The following DTNB variants were observed in gnomAD, a reference collection of about 807,000 sequenced individuals.
DTNB encodes the protein DTN-B.
Under a neutral mutation model 90.7 loss-of-function variants are expected in DTNB, and 63 were observed. That is an observed-to-expected ratio of 0.69 (90% confidence interval 0.57 to 0.86). The LOEUF (loss-of-function observed/expected upper bound fraction) is 0.86. Among genes scored for constraint, DTNB ranks in the 40% least tolerant of loss-of-function variants. The pLI, the probability that DTNB is intolerant of heterozygous loss-of-function variation, is 0.00. For synonymous variants in DTNB, 277 were observed against 286.7 expected, an observed-to-expected ratio of 0.97 and a Z score of 0.34; for missense variants, 744 against 807.1, an observed-to-expected ratio of 0.92 and a Z score of 0.95.
intron 8 of DTNB, among the ~76,000 whole-genome samples, chr2:25,545,195 T>C (rs1275909823): frequency 6.6e-6 from 1 of 152,230 alleles, no homozygotes; most frequent in Non-Finnish European, 1.5e-5. Flanking sequence ...ATTTTTGATT[T>C]CTGAAAGTTA....
chr2:25,415,479 C>T (rs554147156), intron 16 of DTNB, among the ~76,000 whole-genome samples: 5 of 152,060 alleles, frequency 3.3e-5, no homozygotes, highest in African/African-American at 1.2e-4. Context: ...GTTTCTAAAA[C>T]CCGTGGAATC....
intron 16 of DTNB, among the ~76,000 whole-genome samples, chr2:25,415,385 T>G (rs1211448248): frequency 6.6e-6 from 1 of 151,554 alleles, no homozygotes; most frequent in Non-Finnish European, 1.5e-5. Context: ...TAGCTGGGAC[T>G]ACGGGTGCAT....
Position 25,432,970 on chromosome 2 carries a change from C to A in DTNB, c.1373G>T (p.Arg458Leu), listed in dbSNP as rs371885638. The change falls in exon 14 of 21, where the codon CGC becomes CTC. Residue 458 changes from arginine to leucine, a missense_variant. Physicochemically the swap from Arg to Leu is moderately radical, Grantham distance 102. Coordinates refer to ENST00000406818, the MANE Select transcript of DTNB (RefSeq NM_021907.5). ...CTGGGAGGCCTGCTCGTGTTCCAGGCGGAGACGCTGAATCTCCTGCAGGAT... is the reference window on the plus strand; with the variant it reads ...CTGGGAGGCCTGCTCGTGTTCCAGGAGGAGACGCTGAATCTCCTGCAGGAT... The part of the protein sequence containing the change: ...REILQEIQRL[R>L]LEHEQASQPT... 1.2e-6 allele frequency: 2 copies of A among 1,609,650 alleles called. No homozygotes were observed. The highest frequency in any genetic ancestry group is 1.7e-6 in the Non-Finnish European group (2 of 1,178,920).
intron 16 of DTNB, among the ~76,000 whole-genome samples, chr2:25,398,367 T>C (rs945888707): frequency 2.0e-5 from 3 of 152,242 alleles, no homozygotes; most frequent in African/African-American, 7.2e-5. Context: ...CCATGGGTCT[T>C]ATGCCCCAGC....
intron 10 of DTNB, among the ~76,000 whole-genome samples, chr2:25,475,280 A>G (rs543660825): frequency 6.6e-6 from 1 of 152,374 alleles, no homozygotes; most frequent in South Asian, 2.1e-4. Context: ...AGAAGAAAGC[A>G]AAACAGCCTC....
chr2:25,453,920 G>A (rs1010371109), intron 11 of DTNB, among the ~76,000 whole-genome samples: 4 of 152,164 alleles, frequency 2.6e-5, no homozygotes, highest in East Asian at 1.9e-4. Flanking sequence ...GGCTGAGGCC[G>A]GCGGATCACG....
chr2:25,529,631 A>G (rs2077780300), intron 9 of DTNB, among the ~76,000 whole-genome samples: 1 of 152,216 alleles, frequency 6.6e-6, no homozygotes, highest in Admixed American at 6.5e-5. Flanking sequence ...CAACAACTGT[A>G]CAAGAAAATC....
intron 8 of DTNB, among the ~76,000 whole-genome samples, chr2:25,564,295 A>G (rs532753664): frequency 5.3e-5 from 8 of 152,348 alleles, no homozygotes; most frequent in African/African-American, 1.9e-4. Context: ...GAATCTGTAG[A>G]TGAATTGGGG....
intron 9 of DTNB, among the ~76,000 whole-genome samples, chr2:25,516,194 A>G (rs2075081673): frequency 6.6e-6 from 1 of 152,158 alleles, no homozygotes; most frequent in South Asian, 2.1e-4. Flanking sequence ...GAGAATGTGG[A>G]GAGACTGGAA....
At chr2:25,535,433 G>C in intron 8 of DTNB, among the ~76,000 whole-genome samples, 1 of 146,136 alleles carries the variant, frequency 6.8e-6, no homozygotes, top group Non-Finnish European at 1.5e-5. Context: ...CCAGGCAGAG[G>C]CGCTCCTCAC....
At chr2:25,603,482 ACT>A (rs913271832) in intron 5 of DTNB, among the ~76,000 whole-genome samples, 6 of 152,166 alleles carry the variant, frequency 3.9e-5, no homozygotes, top group African/African-American at 1.4e-4. Flanking sequence ...GGAGACAGAA[ACT>A]CTCTTAAGAC....
chr2:25,596,405 T>C, intron 5 of DTNB, 165 bp from the exon 6 acceptor site: 1 of 729,482 alleles, frequency 1.4e-6, no homozygotes, highest in Non-Finnish European at 2.0e-6. Flanking sequence ...TTATTAACAC[T>C]GTGTGGCTAC....
At chr2:25,604,206 A>ACCAC (rs1559198905) in intron 5 of DTNB, among the ~76,000 whole-genome samples, 1 of 150,948 alleles carries the variant, frequency 6.6e-6, no homozygotes, top group African/African-American at 2.4e-5. Context: ...ACCACCACCA[A>ACCAC]CAACAACAAA....
chr2:25,438,179 C>T lies in DTNB; in HGVS notation c.1258-4184G>A, dbSNP rs147487256. On this transcript the variant is annotated intron_variant, in intron 12 of 20. Transcript: ENST00000406818. ...AGGAAGCTGTGGTAAGAGCGAGGCA[C>T]GGGGAGATGAAGGGTCTAGACCAGG... 3.9e-3 allele frequency among the ~76,000 whole-genome samples: 594 copies of T among 152,116 alleles called. 3 individuals are homozygous for T. Among genetic ancestry groups the T allele is most frequent in the African/African-American group, 0.013 (533 of 41,506 alleles).
chr2:25,394,447 T>C (rs914194756), intron 16 of DTNB, among the ~76,000 whole-genome samples: 17 of 151,994 alleles, frequency 1.1e-4, no homozygotes, highest in Admixed American at 5.2e-4. Flanking sequence ...TCAGCAAAGT[T>C]AACAAACAAC....
At chr2:25,478,477 G>A (rs2064192891) in intron 10 of DTNB, among the ~76,000 whole-genome samples, 1 of 152,084 alleles carries the variant, frequency 6.6e-6, no homozygotes, top group African/African-American at 2.4e-5. Context: ...ACCATGGTCT[G>A]CTAACAGTCT....
At chr2:25,458,003 T>G (rs932127943) in intron 10 of DTNB, among the ~76,000 whole-genome samples, 1 of 151,984 alleles carries the variant, frequency 6.6e-6, no homozygotes, top group African/African-American at 2.4e-5. Flanking sequence ...TCAGCTAATT[T>G]TTTGTATTTT....
intron 19 of DTNB, among the ~76,000 whole-genome samples, chr2:25,382,257 A>T (rs1423100037): frequency 6.6e-6 from 1 of 152,136 alleles, no homozygotes; most frequent in Non-Finnish European, 1.5e-5. Flanking sequence ...TCATCACCCC[A>T]TTTATTTCCT....
chr2:25,554,589 C>T (rs1402941743), intron 8 of DTNB, among the ~76,000 whole-genome samples: 5 of 152,156 alleles, frequency 3.3e-5, no homozygotes, highest in East Asian at 3.8e-4. Flanking sequence ...AAACTCTCCA[C>T]GCTGCACCAG....
Sources: gnomAD v4.1 joint callset for allele counts (sites outside exome capture counted in the v4.1 genomes callset) on GRCh38, gnomAD v4.1.1 for gene constraint, MANE v1.5 for transcripts, NCBI Gene and HGNC (gene_info 2026-07-23, HGNC 2026-07-21) for gene names.